The following MAPKAP1 variants were observed in gnomAD, a reference collection of about 807,000 sequenced individuals.
MAPKAP1 encodes the protein MAPK associated protein 1.
MAPKAP1 carries 20 observed loss-of-function variants against 65.7 expected under a neutral mutation model. The ratio of observed to expected loss-of-function variants is 0.30; its 90% CI spans 0.21 to 0.44. The LOEUF (loss-of-function observed/expected upper bound fraction) is 0.44. Ranked by LOEUF, MAPKAP1 falls within the 20% of genes least tolerant of loss-of-function variation. The pLI is 1.00. For missense variants in MAPKAP1, 423 were observed against 648.0 expected (o/e 0.65, Z 3.77); for synonymous variants, 222 against 244.3 (o/e 0.91, Z 0.85).
chr9:125,515,488 GTAAA>G (rs948731714), intron 7 of MAPKAP1, among the ~76,000 whole-genome samples: 9 of 152,170 alleles, frequency 5.9e-5, no homozygotes, highest in African/African-American at 2.2e-4. Context: ...ACTTCTCTGA[GTAAA>G]TAAATAATCA....
intron 7 of MAPKAP1, among the ~76,000 whole-genome samples, chr9:125,539,603 A>T (rs1316486675): frequency 6.6e-6 from 1 of 152,262 alleles, no homozygotes; most frequent in Non-Finnish European, 1.5e-5. Context: ...TTGTGAGGGT[A>T]AGCTTGACAG....
intron 1 of MAPKAP1, among the ~76,000 whole-genome samples, chr9:125,706,680 A>T (rs1032815227): frequency 3.3e-5 from 5 of 151,996 alleles, no homozygotes; most frequent in African/African-American, 1.2e-4. Context: ...CAGGGCACCT[A>T]GATATTGCCA....
chr9:125,604,245 GTAAA>G (rs1245373306), intron 4 of MAPKAP1, among the ~76,000 whole-genome samples: 1 of 152,176 alleles, frequency 6.6e-6, no homozygotes, highest in Non-Finnish European at 1.5e-5. Flanking sequence ...TAAATACAAT[GTAAA>G]TAAAACACTT....
intron 10 of MAPKAP1, among the ~76,000 whole-genome samples, chr9:125,453,595 G>C (rs1853046296): frequency 1.3e-5 from 2 of 152,210 alleles, no homozygotes; most frequent in Non-Finnish European, 2.9e-5. Flanking sequence ...TTTTCTTAAA[G>C]ATTAGTTGCA....
At chr9:125,670,668 T>C (rs1452239251) in intron 2 of MAPKAP1, among the ~76,000 whole-genome samples, 1 of 152,238 alleles carries the variant, frequency 6.6e-6, no homozygotes, top group African/African-American at 2.4e-5. Flanking sequence ...TTTGTGATTA[T>C]ATTGCCACTG....
At position 125,484,441 on chromosome 9, in the gene MAPKAP1, AC is replaced by A. The variant is rs1333585809; in HGVS notation, c.1207+1del. 1 of 1,608,392 alleles carries A rather than the reference AC, an allele frequency of 6.2e-7. No individual in the cohort carries two copies. Among genetic ancestry groups the A allele is most frequent in the Non-Finnish European group, 8.5e-7 (1 of 1,177,364 alleles). On this transcript the variant is annotated splice_donor_variant, in intron 9 of 11. Coordinates refer to ENST00000265960, the MANE Select transcript of MAPKAP1 (RefSeq NM_001006617.3). LOFTEE classifies it high-confidence loss of function. ...TAGCTCATCACCTGCTCACACACTT[AC>A]CTAGCTGTACGTCGGTTGTGAATCG... is the stretch of plus-strand genomic sequence containing the variant.
chr9:125,622,063 A>G (rs986700798), intron 4 of MAPKAP1, among the ~76,000 whole-genome samples: 4 of 152,202 alleles, frequency 2.6e-5, no homozygotes, highest in East Asian at 1.9e-4. Flanking sequence ...GTTCTCACTC[A>G]TATGTGGGAG....
chr9:125,489,054 T>C (rs1854604932), intron 8 of MAPKAP1, among the ~76,000 whole-genome samples: 1 of 152,234 alleles, frequency 6.6e-6, no homozygotes, highest in African/African-American at 2.4e-5. Context: ...TTGTACCATC[T>C]GCATATTAAA....
chr9:125,649,264 T>C (rs954557069), intron 4 of MAPKAP1, among the ~76,000 whole-genome samples: 1 of 152,162 alleles, frequency 6.6e-6, no homozygotes, highest in African/African-American at 2.4e-5. Context: ...ACCTGGTAAT[T>C]AGTCAGGTAG....
intron 4 of MAPKAP1, among the ~76,000 whole-genome samples, chr9:125,646,368 T>C (rs1350528819): frequency 1.3e-5 from 2 of 152,224 alleles, no homozygotes; most frequent in Non-Finnish European, 2.9e-5. Flanking sequence ...CAGGAGGCCA[T>C]GAGTCTCACA....
intron 1 of MAPKAP1, among the ~76,000 whole-genome samples, chr9:125,682,354 A>T (rs1834849039): frequency 6.6e-6 from 1 of 152,234 alleles, no homozygotes; most frequent in East Asian, 1.9e-4. Context: ...TTAAGTATAA[A>T]CCACACTAAA....
chr9:125,661,886 T>C (rs1834195609), intron 3 of MAPKAP1, among the ~76,000 whole-genome samples: 1 of 152,052 alleles, frequency 6.6e-6, no homozygotes, highest in East Asian at 1.9e-4. Context: ...ATAACTTTGT[T>C]ACCCAGCAAA....
intron 4 of MAPKAP1, among the ~76,000 whole-genome samples, chr9:125,610,276 C>G (rs1452352736): frequency 6.6e-6 from 1 of 152,120 alleles, no homozygotes; most frequent in Non-Finnish European, 1.5e-5. Flanking sequence ...GTATTTCAAC[C>G]ATATGGCAAA....
At chr9:125,658,470 C>T (rs186687945) in intron 3 of MAPKAP1, among the ~76,000 whole-genome samples, 93 of 152,250 alleles carry the variant, frequency 6.1e-4, no homozygotes, top group Non-Finnish European at 1.1e-3. Context: ...TAGATACTAG[C>T]GTTATCTCAG....
intron 10 of MAPKAP1, among the ~76,000 whole-genome samples, chr9:125,464,677 G>A (rs1853615920): frequency 1.3e-5 from 2 of 152,312 alleles, no homozygotes; most frequent in South Asian, 4.1e-4. Flanking sequence ...GAGAAGTCGA[G>A]GGGAATGGAA....
chr9:125,501,190 G>A (rs551098909), intron 8 of MAPKAP1, among the ~76,000 whole-genome samples: 5 of 152,220 alleles, frequency 3.3e-5, no homozygotes, highest in South Asian at 2.1e-4. Flanking sequence ...ATATAAACAC[G>A]AAGGAAAATG....
intron 7 of MAPKAP1, among the ~76,000 whole-genome samples, chr9:125,542,765 A>G (rs772000249): frequency 1.3e-4 from 20 of 152,250 alleles, no homozygotes; most frequent in Non-Finnish European, 2.6e-4. Flanking sequence ...AGACAGCTTT[A>G]TATCAACTGA....
chr9:125,472,903 G>A (rs1276304532), intron 9 of MAPKAP1, among the ~76,000 whole-genome samples: 1 of 152,036 alleles, frequency 6.6e-6, no homozygotes, highest in Middle Eastern at 3.2e-3. Context: ...AACATTTCAC[G>A]AAAAATAAAA....
At chr9:125,563,405 T>C (rs1421730677) in intron 5 of MAPKAP1, among the ~76,000 whole-genome samples, 2 of 152,320 alleles carry the variant, frequency 1.3e-5, no homozygotes, top group South Asian at 2.1e-4. Context: ...AGCTCCATTT[T>C]CTTATCGGAA....
Sources: gnomAD v4.1 joint callset for allele counts (sites outside exome capture counted in the v4.1 genomes callset) on GRCh38, gnomAD v4.1.1 for gene constraint, MANE v1.5 for transcripts, NCBI Gene and HGNC (gene_info 2026-07-23, HGNC 2026-07-21) for gene names.